The following MEIS2 variants were observed in gnomAD, a reference collection of about 807,000 sequenced individuals.
MEIS2 encodes the protein homeobox protein Meis2.
Under a neutral mutation model 58.6 loss-of-function variants are expected in MEIS2, and 9 were observed. The ratio of observed to expected loss-of-function variants is 0.15; its 90% CI spans 0.09 to 0.27. The LOEUF (loss-of-function observed/expected upper bound fraction) is 0.27, where lower values mean the gene tolerates loss of function less well. MEIS2 is among the 10% of genes least tolerant of loss of function. MEIS2 has a pLI of 1.00. For missense variants in MEIS2, 427 were observed against 635.0 expected (o/e 0.67, Z 3.52); for synonymous variants, 221 against 228.4 (o/e 0.97, Z 0.29).
chr15:36,977,375 T>A (rs1012786020), intron 8 of MEIS2, among the ~76,000 whole-genome samples: 2 of 151,984 alleles, frequency 1.3e-5, no homozygotes, highest in Non-Finnish European at 2.9e-5. Flanking sequence ...TTAAAAAAAA[T>A]CTTGTTGATT....
In MEIS2 at chr15:37,099,075, C is replaced by A. The variant is rs996350726; in HGVS notation, c.12+380G>T. The A allele has an allele frequency of 3.0e-6, 3 of 987,632 alleles. No homozygotes were observed. The African/African-American group carries it at 5.3e-5, about 17-fold the overall frequency. 61.2% of individuals were successfully genotyped at this position (987,632 alleles called of 1,614,324 possible). On this transcript the variant is annotated intron_variant, in intron 1 of 11. Transcript: ENST00000561208. The stretch of plus-strand genomic sequence containing the variant: ...TGCCCGCCCCGAGCCGCGCGAGCCA[C>A]GGCGGCAGCGGCGCAGCAGCGGCAG...
chr15:36,892,108 T>A lies in MEIS2; in HGVS notation c.*65A>T. The A allele has an allele frequency of 6.5e-7, 1 of 1,541,726 alleles. No individual in the cohort carries two copies. The highest frequency in any genetic ancestry group is 8.9e-7 in the Non-Finnish European group (1 of 1,121,686). ...TTTCATATTAAGTGTCAACATCTGG[T>A]CAAAGTTCAGAAAGTCTTAAAATAG... On this transcript the variant is annotated 3_prime_UTR_variant, in exon 12 of 12. Transcript: ENST00000561208.
intron 9 of MEIS2, among the ~76,000 whole-genome samples, chr15:36,909,992 G>A (rs189043419): frequency 3.3e-5 from 5 of 152,138 alleles, no homozygotes; most frequent in Admixed American, 3.3e-4. Context: ...TGCTTGAGCC[G>A]CGCAGTTTGA....
chr15:36,919,767 G>T (rs1462056966), intron 9 of MEIS2, among the ~76,000 whole-genome samples: 1 of 152,088 alleles, frequency 6.6e-6, no homozygotes, highest in Non-Finnish European at 1.5e-5. Context: ...TATCTACAAT[G>T]ACCCATTATT....
At chr15:36,907,225 A>G in intron 9 of MEIS2, among the ~76,000 whole-genome samples, 1 of 152,228 alleles carries the variant, frequency 6.6e-6, no homozygotes, top group East Asian at 1.9e-4. Context: ...GTTACATTTA[A>G]AAGGGCCTCC....
chr15:37,059,679 G>C (rs1042013011), intron 7 of MEIS2, among the ~76,000 whole-genome samples: 2 of 151,394 alleles, frequency 1.3e-5, no homozygotes, highest in African/African-American at 4.9e-5. Flanking sequence ...GCTTATGCTT[G>C]TGATCCCAGC....
At chr15:36,966,957 G>T (rs540518403) in intron 8 of MEIS2, among the ~76,000 whole-genome samples, 1 of 152,298 alleles carries the variant, frequency 6.6e-6, no homozygotes, top group Non-Finnish European at 1.5e-5. Flanking sequence ...AAGGATGGGG[G>T]CTGGAGAAGT....
chr15:36,990,641 CT>C (rs11367124), intron 8 of MEIS2, among the ~76,000 whole-genome samples: 125,669 of 151,354 alleles, frequency 0.83, 52,910 homozygotes, highest in Non-Finnish European at 0.91. Context: ...AGTGGGCTTT[CT>C]TTTTTTTTTA....
At chr15:37,074,594 T>A (rs539959514) in intron 7 of MEIS2, among the ~76,000 whole-genome samples, 1 of 152,012 alleles carries the variant, frequency 6.6e-6, no homozygotes, top group Non-Finnish European at 1.5e-5. Flanking sequence ...CAAGGTCATA[T>A]AGCTAATTAA....
chr15:36,909,569 C>T (rs1341091604), intron 9 of MEIS2, among the ~76,000 whole-genome samples: 11 of 152,126 alleles, frequency 7.2e-5, no homozygotes, highest in Non-Finnish European at 1.6e-4. Flanking sequence ...TGGGAAATAA[C>T]TCAGGCTTTC....
At position 37,095,979 on chromosome 15, in the gene MEIS2, C is replaced by A; in HGVS notation, c.387+310G>T. The A allele has an allele frequency of 1.8e-5, 8 of 448,976 alleles. No individual in the cohort carries two copies. In the South Asian group the frequency reaches 2.5e-4, roughly 14 times the overall value. The allele number at this position is 448,976 out of a possible 1,614,324, so 27.8% of individuals were successfully genotyped here. A position where few individuals can be genotyped will look rare whatever the true frequency, so the allele number is the denominator to read the frequency against. Reference sequence around the variant, plus strand: ...CGGGCACTCCCGGGTCCCTCACAGCCCCTCTCCCCAATTCTTGTTCAAGTA... The same window carrying A: ...CGGGCACTCCCGGGTCCCTCACAGCACCTCTCCCCAATTCTTGTTCAAGTA... On this transcript the variant is annotated intron_variant, in intron 3 of 11. Transcript: ENST00000561208.
chr15:36,930,944 AG>A (rs146505479), intron 9 of MEIS2, among the ~76,000 whole-genome samples: 2,365 of 152,282 alleles, frequency 0.016, 68 homozygotes, highest in African/African-American at 0.053. Context: ...AAGTTGCCTG[AG>A]TTACCTGCCT....
At chr15:36,962,680 C>T (rs1372701314) in intron 8 of MEIS2, among the ~76,000 whole-genome samples, 1 of 152,118 alleles carries the variant, frequency 6.6e-6, no homozygotes, top group Non-Finnish European at 1.5e-5. Context: ...GGTATCTTGG[C>T]TACTCATGTG....
intron 8 of MEIS2, among the ~76,000 whole-genome samples, chr15:36,978,653 T>C (rs555640039): frequency 6.6e-6 from 1 of 152,348 alleles, no homozygotes; most frequent in East Asian, 1.9e-4. Context: ...TTTGTGTCTT[T>C]ACCTCCCAAA....
intron 8 of MEIS2, among the ~76,000 whole-genome samples, chr15:37,010,157 G>A (rs188219889): frequency 1.0e-3 from 153 of 151,856 alleles, no homozygotes; most frequent in African/African-American, 3.4e-3. Context: ...GCGCGATCTC[G>A]GCTCACTGCA....
intron 8 of MEIS2, among the ~76,000 whole-genome samples, chr15:36,955,135 T>C (rs911627069): frequency 6.6e-6 from 1 of 152,192 alleles, no homozygotes. Context: ...AATACCTTTT[T>C]CTTTTTTTAA....
chr15:37,037,723 C>A (rs1307691496), intron 7 of MEIS2, among the ~76,000 whole-genome samples: 1 of 152,204 alleles, frequency 6.6e-6, no homozygotes, highest in Non-Finnish European at 1.5e-5. Flanking sequence ...GCCTGGAGGG[C>A]ATCTAAATTA....
At chr15:36,976,030 C>T (rs906046765) in intron 8 of MEIS2, among the ~76,000 whole-genome samples, 1 of 152,010 alleles carries the variant, frequency 6.6e-6, no homozygotes, top group Admixed American at 6.5e-5. Context: ...AAGTTTCTAC[C>T]AACACTTTAT....
At chr15:37,027,458 G>T (rs2061744617) in intron 8 of MEIS2, among the ~76,000 whole-genome samples, 3 of 152,090 alleles carry the variant, frequency 2.0e-5, no homozygotes, top group African/African-American at 7.2e-5. Context: ...ACGAAGAAAT[G>T]GAAATTTTCC....
Sources: gnomAD v4.1 joint callset for allele counts (sites outside exome capture counted in the v4.1 genomes callset) on GRCh38, gnomAD v4.1.1 for gene constraint, MANE v1.5 for transcripts, NCBI Gene and HGNC (gene_info 2026-07-23, HGNC 2026-07-21) for gene names.